The following MAMLD1 variants were observed in gnomAD, a reference collection of about 807,000 sequenced individuals.
The protein encoded by MAMLD1 is mastermind-like domain-containing protein 1.
Under a neutral mutation model 45.0 loss-of-function variants are expected in MAMLD1, and 14 were observed. The ratio of observed to expected loss-of-function variants is 0.31; its 90% confidence interval spans 0.21 to 0.49. The LOEUF (loss-of-function observed/expected upper bound fraction) is 0.49, where lower values mean the gene tolerates loss of function less well. Ranked by LOEUF, MAMLD1 falls within the 20% of genes least tolerant of loss-of-function variation. The pLI is 0.99. For missense variants in MAMLD1, 543 were observed against 603.6 expected (o/e 0.90, Z 1.05); for synonymous variants, 254 against 247.8 (o/e 1.02, Z -0.24).
At chrX:150,379,640 T>A (rs1557401557) in intron 1 of MAMLD1, among the ~76,000 whole-genome samples, 1 of 112,172 alleles carries the variant, frequency 8.9e-6, no homozygotes, top group East Asian at 2.8e-4. Flanking sequence ...AAAAGTGACA[T>A]CTCCCATTAC....
chrX:150,421,889 T>C (rs1259022555), intron 1 of MAMLD1, among the ~76,000 whole-genome samples: 1 of 112,173 alleles, frequency 8.9e-6, no homozygotes, highest in Non-Finnish European at 1.9e-5. Context: ...CCACTGGGAA[T>C]CTGGAGGCGG....
intron 1 of MAMLD1, among the ~76,000 whole-genome samples, chrX:150,442,104 T>C (rs1416148707): frequency 9.2e-6 from 1 of 108,450 alleles, no homozygotes; most frequent in Non-Finnish European, 1.9e-5. Flanking sequence ...TAGAGCCACC[T>C]CTGTTACTTT....
intron 1 of MAMLD1, among the ~76,000 whole-genome samples, chrX:150,370,457 A>G (rs1466398363): frequency 2.7e-5 from 3 of 112,151 alleles, no homozygotes; most frequent in African/African-American, 6.5e-5. Context: ...GTGTCAAAGG[A>G]AGAAGAAAAG....
intron 1 of MAMLD1, among the ~76,000 whole-genome samples, chrX:150,406,208 G>A (rs2033993072): frequency 9.0e-6 from 1 of 110,534 alleles, no homozygotes; most frequent in Non-Finnish European, 1.9e-5. Flanking sequence ...GCATCTGATG[G>A]GTAGATGCTA....
At chrX:150,370,153 G>A (rs1392993372) in intron 1 of MAMLD1, among the ~76,000 whole-genome samples, 1 of 109,610 alleles carries the variant, frequency 9.1e-6, no homozygotes, top group Admixed American at 9.8e-5. Flanking sequence ...ATAAATGATG[G>A]AGGAACAGGA....
Position 150,504,852 on chromosome X carries a change from G to A in MAMLD1, c.2284+1335G>A. The stretch of plus-strand genomic sequence containing the variant: ...TGAGGGCCTTTGAGGGTCAGGCCTG[G>A]CATCCACTAAATCCTCCCTGTCAAC... On this transcript the variant is annotated intron_variant, in intron 6 of 7. Transcript: ENST00000370401. The A allele has an allele frequency of 8.0e-6, 6 of 754,188 alleles. No homozygotes were observed. In the South Asian group the frequency reaches 2.7e-4, roughly 34 times the overall value. 62.2% of individuals were successfully genotyped at this position (754,188 alleles called of 1,213,427 possible).
intron 3 of MAMLD1, among the ~76,000 whole-genome samples, chrX:150,468,418 G>A (rs1406595711): frequency 9.0e-5 from 10 of 111,253 alleles, no homozygotes; most frequent in African/African-American, 3.3e-4. Context: ...GCTGGAAAGG[G>A]GTTATTTGGG....
intron 5 of MAMLD1, among the ~76,000 whole-genome samples, chrX:150,483,888 C>T (rs1044326439): frequency 3.6e-5 from 4 of 112,365 alleles, no homozygotes; most frequent in African/African-American, 9.7e-5. Flanking sequence ...CAGCTAGTTT[C>T]GAAATTCAGG....
At chrX:150,507,570 G>T (rs1278817997) in intron 6 of MAMLD1, among the ~76,000 whole-genome samples, 1 of 112,260 alleles carries the variant, frequency 8.9e-6, no homozygotes. Context: ...TGGCACCCCA[G>T]ACTTGAAGAT....
chrX:150,444,394 T>A (rs1478482382), intron 1 of MAMLD1, among the ~76,000 whole-genome samples: 3 of 112,047 alleles, frequency 2.7e-5, no homozygotes, highest in Non-Finnish European at 5.6e-5. Flanking sequence ...TAGTGCCCAT[T>A]GGCATTCTGG....
At chrX:150,458,041 G>A in intron 2 of MAMLD1, among the ~76,000 whole-genome samples, 1 of 111,473 alleles carries the variant, frequency 9.0e-6, no homozygotes, top group Non-Finnish European at 1.9e-5. Context: ...CTGCTCTGAT[G>A]CCAAGACTCT....
chrX:150,436,010 A>C (rs1386421724), intron 1 of MAMLD1, among the ~76,000 whole-genome samples: 1 of 111,924 alleles, frequency 8.9e-6, no homozygotes, highest in Non-Finnish European at 1.9e-5. Context: ...ATTGGTTGTA[A>C]ATTATTTTCT....
chrX:150,403,977 A>AAAGAAAGAAAGAAAGAAAGG (rs2033921548), intron 1 of MAMLD1, among the ~76,000 whole-genome samples: 2 of 99,080 alleles, frequency 2.0e-5, no homozygotes, highest in African/African-American at 7.8e-5. Flanking sequence ...AGAAAGAAAG[A>AAAGAAAGAAAGAAAGAAAGG]AAGAAAGAAA....
chrX:150,481,387 A>T (rs782651548), intron 5 of MAMLD1, among the ~76,000 whole-genome samples: 87 of 112,707 alleles, frequency 7.7e-4, no homozygotes, highest in Admixed American at 1.8e-3. Flanking sequence ...GATGGTGAGG[A>T]TGTGGAGAAA....
chrX:150,407,215 G>A (rs1322953656), intron 1 of MAMLD1, among the ~76,000 whole-genome samples: 6 of 111,931 alleles, frequency 5.4e-5, no homozygotes, highest in Admixed American at 3.8e-4. Flanking sequence ...ACAAATTTGC[G>A]ATATATTAAT....
At chrX:150,481,966 A>AAGAAAG (rs1284873889) in intron 5 of MAMLD1, among the ~76,000 whole-genome samples, 5 of 35,468 alleles carry the variant, frequency 1.4e-4, no homozygotes, top group Admixed American at 3.1e-4. Context: ...AGAAAGAAAA[A>AAGAAAG]AGAAAGAAAG....
chrX:150,480,454 C>A (rs1221184007), intron 5 of MAMLD1, among the ~76,000 whole-genome samples: 2 of 111,878 alleles, frequency 1.8e-5, no homozygotes, highest in Non-Finnish European at 3.8e-5. Context: ...ATCATGCCGG[C>A]TGCACCCATC....
rs57733747 is a variant in MAMLD1, at chrX:150,413,489, C to T, written c.-63-31965C>T. ...TGAATCAGGAATGCAAAGAGAAGCA[C>T]GAGGCAGGGGAGAAGAGAAGAAACC... On this transcript the variant is annotated intron_variant, in intron 1 of 7. Transcript: ENST00000370401. Among the ~76,000 whole-genome samples the T allele has an allele frequency of 5.5e-3, 613 of 110,532 alleles. 6 individuals are homozygous for T. Among genetic ancestry groups the T allele is most frequent in the African/African-American group, 0.019 (577 of 30,330 alleles).
chrX:150,416,614 A>G (rs2034254965), intron 1 of MAMLD1, among the ~76,000 whole-genome samples: 1 of 111,985 alleles, frequency 8.9e-6, no homozygotes, highest in African/African-American at 3.3e-5. Context: ...TCTGGGAACC[A>G]TTTCCGAAAT....
Sources: allele counts gnomAD v4.1 joint callset (sites outside exome capture counted in the v4.1 genomes callset), GRCh38; gene constraint gnomAD v4.1.1; transcripts MANE v1.5; gene names NCBI Gene and HGNC (gene_info 2026-07-23, HGNC 2026-07-21).